The following DISP3 variants were observed in gnomAD, a reference collection of about 807,000 sequenced individuals.
The protein encoded by DISP3 is protein dispatched homolog 3.
In DISP3, 101 loss-of-function variants were observed where a neutral mutation model predicts 135.3. The ratio of observed to expected loss-of-function variants is 0.75; its 90% CI spans 0.64 to 0.88. The LOEUF (loss-of-function observed/expected upper bound fraction) is 0.88. Among genes scored for constraint, DISP3 ranks in the 40% least tolerant of loss-of-function variants. DISP3 has a pLI of 0.00. For synonymous variants in DISP3, 856 were observed against 817.0 expected, an observed-to-expected ratio of 1.05 and a Z score of -0.81; for missense variants, 1,713 against 1,878.6, an observed-to-expected ratio of 0.91 and a Z score of 1.63.
rs758160540 is a variant in DISP3, at chr1:11,520,685, A to G, written c.2201-2A>G. On this transcript the variant is annotated splice_acceptor_variant, in intron 9 of 20. Coordinates refer to ENST00000294484, the MANE Select transcript of DISP3 (RefSeq NM_020780.2). LOFTEE classifies it high-confidence loss of function. This position sits in a 1 kb window ranked among gnomAD's most constrained non-coding sequence, Gnocchi z 4.8. ...GCCTGGTGTAGCGCCCTTTCCTCAC[A>G]GGGCTGTTCGTCTCCATCCTCATCT... 6.2e-7 allele frequency: 1 copy of G among 1,612,574 alleles called. No homozygotes were observed. Among genetic ancestry groups the G allele is most frequent in the Non-Finnish European group, 8.5e-7 (1 of 1,179,580 alleles).
intron 1 of DISP3, chr1:11,481,937 C>G (rs1397990405): frequency 6.6e-6 from 1 of 152,194 alleles, no homozygotes; most frequent in Admixed American, 6.5e-5. Flanking sequence ...GTGCAATCTT[C>G]ATTGGGGCAG....
rs369190030 is a variant in DISP3, at chr1:11,520,742, C to T, written c.2256C>T (p.Pro752=). 2.5e-5 allele frequency: 41 copies of T among 1,613,400 alleles called. No homozygotes were observed. The highest frequency in any genetic ancestry group is 1.1e-4 in the African/African-American group (8 of 74,938). ...LSLVFASRLR[P]ASRAPLLFRP... ...TGGTGTTCGCCAGCCGGCTCCGCCC[C>T]GCCAGCCGGGCCCCGCTACTCTTCC... Residue 752 remains proline, a synonymous_variant, in exon 10 of 21, where the codon CCC becomes CCT. Coordinates refer to ENST00000294484, the MANE Select transcript of DISP3 (RefSeq NM_020780.2). The surrounding 1 kb of genome is among the most constrained non-coding windows in gnomAD (Gnocchi z 4.8).
At chr1:11,530,861 C>A (rs1170433743) in intron 15 of DISP3, 46 bp from the exon 16 acceptor site, 1 of 1,609,226 alleles carries the variant, frequency 6.2e-7, no homozygotes, top group Non-Finnish European at 8.5e-7. Flanking sequence ...GACTGAGTCC[C>A]CGTCTCACTG....
rs1049529154 is a variant in DISP3, at chr1:11,521,964, T to C, written c.2362+1116T>C. Reference sequence around the variant, plus strand: ...CTAGGGCACTGGGGTGGAAGCTAGCTGGGAGGCTGAGAGCTGGTGGTGCTG... The same window carrying C: ...CTAGGGCACTGGGGTGGAAGCTAGCCGGGAGGCTGAGAGCTGGTGGTGCTG... On this transcript the variant is annotated intron_variant, in intron 10 of 20. Transcript: ENST00000294484. Among the ~76,000 whole-genome samples the C allele has an allele frequency of 4.6e-5, 7 of 152,192 alleles. No homozygotes were observed. The South Asian group carries it at 1.0e-3, about 23-fold the overall frequency.
intron 10 of DISP3, among the ~76,000 whole-genome samples, chr1:11,522,744 G>A (rs1642261661): frequency 7.3e-6 from 1 of 136,258 alleles, no homozygotes; most frequent in African/African-American, 2.8e-5. Context: ...CCAGGGCCCA[G>A]CCAGGACCCA....
chr1:11,515,138 G>A (rs367946823), intron 4 of DISP3, among the ~76,000 whole-genome samples: 16 of 152,254 alleles, frequency 1.1e-4, no homozygotes, highest in African/African-American at 3.9e-4. Context: ...CAAGGCTCTT[G>A]AGGTAAGGTC....
chr1:11,507,292 G>A (rs1172338872), intron 3 of DISP3, among the ~76,000 whole-genome samples: 5 of 152,144 alleles, frequency 3.3e-5, no homozygotes, highest in African/African-American at 1.2e-4. Context: ...GATTCTCTAG[G>A]ATTTTCAACT....
Position 11,519,559 on chromosome 1 carries a change from T to C in DISP3, c.2038+56T>C. The C allele has an allele frequency of 6.3e-7, 1 of 1,596,646 alleles. No individual in the cohort carries two copies. Among genetic ancestry groups the C allele is most frequent in the East Asian group, 2.2e-5 (1 of 44,538 alleles). ...CCCCAGTGAGACCCAGCGCTGCCTCTGCCAGGGGAGTAACACTTGACAAGT... is the reference window on the plus strand; with the variant it reads ...CCCCAGTGAGACCCAGCGCTGCCTCCGCCAGGGGAGTAACACTTGACAAGT... On this transcript the variant is annotated intron_variant, in intron 8 of 20. Transcript: ENST00000294484. This position sits in a 1 kb window ranked among gnomAD's most constrained non-coding sequence, Gnocchi z 4.3.
At chr1:11,513,382 T>G (rs1429291543) in intron 3 of DISP3, among the ~76,000 whole-genome samples, 1 of 152,222 alleles carries the variant, frequency 6.6e-6, no homozygotes. Context: ...TATTTTGCCT[T>G]TGTTTTTTAA....
Position 11,531,007 on chromosome 1 carries a change from C to T in DISP3, c.3203C>T (p.Pro1068Leu), listed in dbSNP as rs528432088. Reference sequence around the variant, plus strand: ...GCAGCCAACTCCGAGCTGGTGAAGCCGGGTGGGGCCCAGTGCCTGCCTTCA... The same window carrying T: ...GCAGCCAACTCCGAGCTGGTGAAGCTGGGTGGGGCCCAGTGCCTGCCTTCA... Reference protein sequence around the residue: ...AIAANSELVKPGGAQCLPSGY... With the variant: ...AIAANSELVKLGGAQCLPSGY... The change falls in exon 16 of 21, where the codon CCG becomes CTG. Residue 1068 changes from proline (P) to leucine (L), a missense_variant. Around this residue, in one of 2 missense-constraint regions of DISP3, gnomAD observed 1,142 missense variants for 1,384.6 expected, o/e 0.82. Transcript: ENST00000294484. The surrounding 1 kb of genome is among the most constrained non-coding windows in gnomAD (Gnocchi z 5.2). The T allele has an allele frequency of 2.1e-5, 34 of 1,613,786 alleles. No homozygotes were observed. The highest frequency in any genetic ancestry group is 2.0e-4 in the East Asian group (9 of 44,856).
Position 11,502,693 on chromosome 1 carries a change from C to CCATGACT in DISP3, c.1115_1121dup (p.Pro375AspfsTer4). On this transcript the variant is annotated frameshift_variant, in exon 3 of 21. Coordinates refer to ENST00000294484, the MANE Select transcript of DISP3 (RefSeq NM_020780.2). LOFTEE classifies it high-confidence loss of function. Reference sequence around the variant, plus strand: ...GTCCTTGCAGGCTCCCTGGAGCTGGCCATGACTCACCCTGAGTTCTACTGG... The same window carrying CCATGACT: ...GTCCTTGCAGGCTCCCTGGAGCTGGCCATGACTCATGACTCACCCTGAGTTCTACTGG... 3.1e-6 allele frequency: 5 copies of CCATGACT among 1,613,952 alleles called. No homozygotes were observed. In the South Asian group the frequency reaches 5.5e-5, roughly 18 times the overall value.
At chr1:11,488,161 G>C (rs1275888036) in intron 1 of DISP3, among the ~76,000 whole-genome samples, 1 of 152,076 alleles carries the variant, frequency 6.6e-6, no homozygotes, top group Admixed American at 6.5e-5. Flanking sequence ...CTGGGGCCCT[G>C]AGCCTCCCAA....
At chr1:11,502,996 C>T (rs1641595238) in intron 3 of DISP3, 99 bp downstream of exon 3, 16 of 1,093,482 alleles carry the variant, frequency 1.5e-5, no homozygotes, top group Admixed American at 1.4e-4. Context: ...TAATCTTTTC[C>T]TTTGGAAGTC....
At chr1:11,522,160 G>A (rs1446786961) in intron 10 of DISP3, among the ~76,000 whole-genome samples, 1 of 152,188 alleles carries the variant, frequency 6.6e-6, no homozygotes, top group Non-Finnish European at 1.5e-5. Flanking sequence ...GGGGGAGCAG[G>A]CGAAGTCAAC....
At chr1:11,530,083 A>T in intron 15 of DISP3, 124 bp downstream of exon 15, 1 of 1,338,646 alleles carries the variant, frequency 7.5e-7, no homozygotes, top group Non-Finnish European at 1.0e-6. Flanking sequence ...TGGCTCCTCT[A>T]ACCCAGACAG....
In DISP3 at chr1:11,499,745, C is replaced by CCTCTGT. The variant is rs1167715603; in HGVS notation, c.-3-1232_-3-1227dup. Among the ~76,000 whole-genome samples the CCTCTGT allele has an allele frequency of 3.3e-5, 5 of 152,108 alleles. No homozygotes were observed. Among genetic ancestry groups the CCTCTGT allele is most frequent in the African/African-American group, 1.2e-4 (5 of 41,402 alleles). On this transcript the variant is annotated intron_variant, in intron 1 of 20. Coordinates refer to ENST00000294484, the MANE Select transcript of DISP3 (RefSeq NM_020780.2). This position sits in a 1 kb window ranked among gnomAD's most constrained non-coding sequence, Gnocchi z 5.2. ...CTCCCTTCGGTCTCTCTCCTCTTTTCCTCTGTCTCTGTCTCTGTTTCCCTC... is the reference window on the plus strand; with the variant it reads ...CTCCCTTCGGTCTCTCTCCTCTTTTCCTCTGTCTCTGTCTCTGTCTCTGTTTCCCTC...
chr1:11,523,819 C>G (rs370681503), intron 10 of DISP3, 123 bp from the exon 11 acceptor site: 11 of 672,062 alleles, frequency 1.6e-5, no homozygotes, highest in Non-Finnish European at 2.8e-5. Flanking sequence ...ACACCCACCC[C>G]CTCCAGTCCC....
intron 18 of DISP3, 152 bp from the exon 19 acceptor site, chr1:11,534,859 C>A: frequency 1.2e-6 from 1 of 837,784 alleles, no homozygotes; most frequent in Non-Finnish European, 2.0e-6. Flanking sequence ...TTCTCTTCAA[C>A]TCCAAACAAG....
At chr1:11,507,621 A>G (rs1015568673) in intron 3 of DISP3, among the ~76,000 whole-genome samples, 1 of 152,198 alleles carries the variant, frequency 6.6e-6, no homozygotes, top group Non-Finnish European at 1.5e-5. Context: ...TCCAGGGTAA[A>G]AATGGCTGTA....
Sources: allele counts gnomAD v4.1 joint callset (sites outside exome capture counted in the v4.1 genomes callset), GRCh38; gene constraint gnomAD v4.1.1; regional missense constraint gnomAD v4.1.1; non-coding constraint Gnocchi (gnomAD v3.1); transcripts MANE v1.5; gene names NCBI Gene and HGNC (gene_info 2026-07-23, HGNC 2026-07-21).